CUL3: variants seen among roughly 807,000 people sequenced by gnomAD.
The protein encoded by CUL3 is cullin 3.
A neutral mutation model predicts 89.1 loss-of-function variants in CUL3; 19 were observed. The observed-to-expected ratio is 0.21, with a 90% CI of 0.15 to 0.31. The LOEUF is 0.31. Among genes scored for constraint, CUL3 ranks in the 10% least tolerant of loss-of-function variants. CUL3 has a pLI of 1.00. For synonymous variants in CUL3, 351 were observed against 308.4 expected, an observed-to-expected ratio of 1.14 and a Z score of -1.45; for missense variants, 469 against 942.3, an observed-to-expected ratio of 0.50 and a Z score of 6.58.
Position 224,585,170 on chromosome 2 carries a change from C to T in CUL3, c.-161G>A. The T allele has an allele frequency of 4.0e-6, 1 of 251,736 alleles. No homozygotes were observed. The highest frequency in any genetic ancestry group is 6.2e-6 in the Non-Finnish European group (1 of 160,286). 15.6% of individuals were successfully genotyped at this position (251,736 alleles called of 1,614,324 possible). A position where few individuals can be genotyped will look rare whatever the true frequency, so the allele number is the denominator to read the frequency against. ...GCCGGCCCCTGGGCAGCCGCGGCGG[C>T]GGCGGGGGCGGCGGCGGCGGCGGCG... On this transcript the variant is annotated 5_prime_UTR_variant, in exon 1 of 16. Coordinates refer to ENST00000264414, the MANE Select transcript of CUL3 (RefSeq NM_003590.5).
intron 3 of CUL3, among the ~76,000 whole-genome samples, chr2:224,521,725 T>C (rs1214755155): frequency 6.6e-6 from 1 of 152,074 alleles, no homozygotes; most frequent in South Asian, 2.1e-4. Context: ...CCAAGGATAG[T>C]TATTTATTAG....
chr2:224,529,584 G>T (rs187597329), intron 3 of CUL3, among the ~76,000 whole-genome samples: 1 of 151,728 alleles, frequency 6.6e-6, no homozygotes, highest in Admixed American at 6.6e-5. Context: ...AGCTGAGATC[G>T]TGCCACTGTA....
At chr2:224,561,481 A>G (rs1694900565) in intron 1 of CUL3, among the ~76,000 whole-genome samples, 1 of 152,224 alleles carries the variant, frequency 6.6e-6, no homozygotes, top group South Asian at 2.1e-4. Flanking sequence ...CTGGCAGTAA[A>G]ATACCAGCTC....
intron 6 of CUL3, among the ~76,000 whole-genome samples, chr2:224,510,776 T>TA (rs1386576137): frequency 6.6e-6 from 1 of 152,248 alleles, no homozygotes; most frequent in African/African-American, 2.4e-5. Context: ...AAACAAATGT[T>TA]AGTTATCTCA....
chr2:224,511,544 T>G lies in CUL3; in HGVS notation c.693A>C (p.Ser231=), dbSNP rs181190157. ...SQKFLAENSA[S]VYIKKVEARI... is the part of the protein sequence containing the mutation. ...TAGCTTCTACTTTCTTTATATATAC[T>G]GAAGCACTATTTTCTGCTAAAAATT... is the stretch of plus-strand genomic sequence containing the variant. Residue 231 remains serine (S), a synonymous_variant, in exon 6 of 16, where the codon TCA becomes TCC. Transcript: ENST00000264414. The G allele has an allele frequency of 1.0e-4, 161 of 1,603,754 alleles. No individual in the cohort carries two copies. In the East Asian group the frequency reaches 2.0e-3, roughly 20 times the overall value.
intron 2 of CUL3, among the ~76,000 whole-genome samples, chr2:224,538,185 TA>T (rs1381651786): frequency 6.6e-6 from 1 of 152,160 alleles, no homozygotes; most frequent in Non-Finnish European, 1.5e-5. Flanking sequence ...CTGAAAGAAG[TA>T]AAATGAATGC....
At chr2:224,562,517 A>G (rs887297995) in intron 1 of CUL3, among the ~76,000 whole-genome samples, 3 of 152,042 alleles carry the variant, frequency 2.0e-5, no homozygotes, top group Admixed American at 1.3e-4. Flanking sequence ...GCGTGCCTGT[A>G]ATCCCAGCTA....
intron 1 of CUL3, among the ~76,000 whole-genome samples, chr2:224,563,506 C>T (rs1312897425): frequency 6.6e-6 from 1 of 152,150 alleles, no homozygotes. Context: ...TAAGTTTGTC[C>T]ATATCTTAAA....
chr2:224,542,562 T>C (rs576133005), intron 2 of CUL3, among the ~76,000 whole-genome samples: 19 of 151,652 alleles, frequency 1.3e-4, no homozygotes, highest in South Asian at 8.3e-4. Context: ...TGTGCGTGTG[T>C]GTGTGTGTGC....
chr2:224,571,615 TAA>T (rs972586261), intron 1 of CUL3, among the ~76,000 whole-genome samples: 1 of 151,912 alleles, frequency 6.6e-6, no homozygotes, highest in Non-Finnish European at 1.5e-5. Context: ...AAATCTGCTA[TAA>T]GTCTGTTTAA....
In CUL3 at chr2:224,557,683, A is replaced by T. The variant is rs767060271; in HGVS notation, c.240T>A (p.Val80=). The T allele has an allele frequency of 6.2e-7, 1 of 1,611,570 alleles. No individual in the cohort carries two copies. Among genetic ancestry groups the T allele is most frequent in the Non-Finnish European group, 8.5e-7 (1 of 1,178,554 alleles). Residue 80 remains valine (V), a synonymous_variant, in exon 2 of 16, where the codon GTT becomes GTA. Coordinates refer to ENST00000264414, the MANE Select transcript of CUL3 (RefSeq NM_003590.5). ...GEKLYTGLRE[V]VTEHLINKVR... ...CCTTATTTATGAGATGTTCGGTAAC[A>T]ACTTCTCTTAGTCCAGTGTAGAGCT...
At chr2:224,474,555 C>T in intron 15 of CUL3, 179 bp from the exon 16 acceptor site, 1 of 550,750 alleles carries the variant, frequency 1.8e-6, no homozygotes, top group South Asian at 2.6e-5. Flanking sequence ...GGTTACAACA[C>T]ACTTCCTCAA....
rs142471759 is a variant in CUL3, at chr2:224,475,352, T to C, written c.2176-976A>G. 2.9e-3 allele frequency among the ~76,000 whole-genome samples: 441 copies of C among 152,322 alleles called. 4 individuals carry two copies. The highest frequency in any genetic ancestry group is 0.01 in the African/African-American group (416 of 41,558). On this transcript the variant is annotated intron_variant, in intron 15 of 15. Coordinates refer to ENST00000264414, the MANE Select transcript of CUL3 (RefSeq NM_003590.5). Reference sequence around the variant, plus strand: ...TCTTAACCCTGCAAAATAAGTTGTCTCATTTTACAAACGAGGAAAATAAAG... The same window carrying C: ...TCTTAACCCTGCAAAATAAGTTGTCCCATTTTACAAACGAGGAAAATAAAG...
At chr2:224,566,326 T>C (rs1217905822) in intron 1 of CUL3, among the ~76,000 whole-genome samples, 2 of 152,136 alleles carry the variant, frequency 1.3e-5, no homozygotes, top group Non-Finnish European at 2.9e-5. Flanking sequence ...TGGCAGCTAG[T>C]GTTTATCTTT....
Position 224,487,884 on chromosome 2 carries a change from C to T in CUL3, c.1843-5806G>A, listed in dbSNP as rs1312066108. ...TCAGCAAATGCAAAAGAATGGAAATCGTAACAAACAGTCTCTCAGACCACA... is the reference window on the plus strand; with the variant it reads ...TCAGCAAATGCAAAAGAATGGAAATTGTAACAAACAGTCTCTCAGACCACA... On this transcript the variant is annotated intron_variant, in intron 13 of 15. Transcript: ENST00000264414. Among the ~76,000 whole-genome samples, 5 of 152,080 alleles carry T rather than the reference C, an allele frequency of 3.3e-5. No homozygotes were observed. In the South Asian group the frequency reaches 6.2e-4, roughly 19 times the overall value.
intron 1 of CUL3, among the ~76,000 whole-genome samples, chr2:224,583,342 C>G (rs1164456794): frequency 6.6e-6 from 1 of 152,146 alleles, no homozygotes. Flanking sequence ...GCCTGGGCAA[C>G]AGGAGCGAAA....
At position 224,567,141 on chromosome 2, in the gene CUL3, G is replaced by A. The variant is rs552205714; in HGVS notation, c.67-9285C>T. ...ACATAATGAAAAATATGTGAAAACCGCAAAAGAAAACTTTTTACTACACTA... is the reference window on the plus strand; with the variant it reads ...ACATAATGAAAAATATGTGAAAACCACAAAAGAAAACTTTTTACTACACTA... On this transcript the variant is annotated intron_variant, in intron 1 of 15. Coordinates refer to ENST00000264414, the MANE Select transcript of CUL3 (RefSeq NM_003590.5). Among the ~76,000 whole-genome samples the A allele has an allele frequency of 3.0e-4, 46 of 152,228 alleles. 1 individual carries two copies. The highest frequency in any genetic ancestry group is 3.9e-4 in the Admixed American group (6 of 15,284).
rs17408265 is a variant in CUL3, at chr2:224,506,942, C to T, written c.945G>A (p.Glu315=). The T allele has an allele frequency of 6.2e-7, 1 of 1,613,622 alleles. No individual in the cohort carries two copies. The highest frequency in any genetic ancestry group is 8.5e-7 in the Non-Finnish European group (1 of 1,179,692). Residue 315 remains glutamate, a synonymous_variant, in exon 7 of 16, where the codon GAG becomes GAA. Transcript: ENST00000264414. ...RVPNGLKTMC[E]CMSSYLREQG... ...GCTCCCTCAAATAGGAACTCATACA[C>T]TCACACATTGTTTTCAAACCATTTG...
rs1453675078 is a variant in CUL3, at chr2:224,497,774, T to C, written c.1686A>G (p.Thr562=). The C allele has an allele frequency of 1.9e-6, 3 of 1,613,694 alleles. No homozygotes were observed. The highest frequency in any genetic ancestry group is 1.1e-5 in the South Asian group (1 of 91,068). The change falls in exon 12 of 16, where the codon ACA becomes ACG. Residue 562 remains threonine, a synonymous_variant. Coordinates refer to ENST00000264414, the MANE Select transcript of CUL3 (RefSeq NM_003590.5). ...HHMGSADLNA[T]FYGPVKKEDG... The stretch of plus-strand genomic sequence containing the variant: ...TTACCTTTTTAACTGGTCCATAAAA[T>C]GTGGCATTGAGATCTGCAGAACCCA...
Sources: gnomAD v4.1 joint callset for allele counts (sites outside exome capture counted in the v4.1 genomes callset) on GRCh38, gnomAD v4.1.1 for gene constraint, MANE v1.5 for transcripts, NCBI Gene and HGNC (gene_info 2026-07-23, HGNC 2026-07-21) for gene names.